The following CTNND2 variants were observed in gnomAD, a reference collection of about 807,000 sequenced individuals.
The protein encoded by CTNND2 is catenin delta-2.
In CTNND2, 22 loss-of-function variants were observed where a neutral mutation model predicts 144.4. The ratio of observed to expected loss-of-function variants is 0.15; its 90% CI spans 0.11 to 0.22. CTNND2 has a LOEUF of 0.22. Ranked by LOEUF, CTNND2 falls within the 10% of genes least tolerant of loss-of-function variation. CTNND2 has a pLI of 1.00. For synonymous variants in CTNND2, 751 were observed against 695.6 expected (o/e 1.08, Z -1.25); for missense variants, 1,353 against 1,618.8 (o/e 0.84, Z 2.82).
At chr5:11,610,514 T>A (rs1184306450) in intron 2 of CTNND2, among the ~76,000 whole-genome samples, 1 of 152,210 alleles carries the variant, frequency 6.6e-6, no homozygotes, top group Non-Finnish European at 1.5e-5. Flanking sequence ...TATGTTTTAA[T>A]GCCAGAAGGC....
At chr5:11,395,049 G>A (rs1161618789) in intron 6 of CTNND2, among the ~76,000 whole-genome samples, 1 of 152,178 alleles carries the variant, frequency 6.6e-6, no homozygotes, top group Non-Finnish European at 1.5e-5. Context: ...CGGCTTGAAG[G>A]AGTAAGATTT....
At chr5:11,350,859 ATTACT>A (rs1488071948) in intron 8 of CTNND2, among the ~76,000 whole-genome samples, 1 of 152,272 alleles carries the variant, frequency 6.6e-6, no homozygotes, top group Admixed American at 6.5e-5. Flanking sequence ...TGTGAAAACA[ATTACT>A]TTAAATGAAT....
At chr5:11,516,561 A>G (rs997780312) in intron 3 of CTNND2, among the ~76,000 whole-genome samples, 1 of 152,170 alleles carries the variant, frequency 6.6e-6, no homozygotes, top group African/African-American at 2.4e-5. Flanking sequence ...AGACAATCCA[A>G]AAATGAAATT....
chr5:11,210,763 G>A (rs1006284591), intron 10 of CTNND2, among the ~76,000 whole-genome samples: 11 of 152,140 alleles, frequency 7.2e-5, no homozygotes, highest in African/African-American at 2.7e-4. Flanking sequence ...CACAAATACT[G>A]CCCACAAAGC....
At chr5:11,419,357 T>G (rs1762187352) in intron 3 of CTNND2, among the ~76,000 whole-genome samples, 1 of 152,166 alleles carries the variant, frequency 6.6e-6, no homozygotes, top group African/African-American at 2.4e-5. Context: ...TAGATAAACC[T>G]TTGTGATTGC....
At chr5:11,730,162 A>G (rs1485767843) in intron 2 of CTNND2, among the ~76,000 whole-genome samples, 2 of 152,138 alleles carry the variant, frequency 1.3e-5, no homozygotes, top group African/African-American at 4.8e-5. Context: ...TAGTATTCAT[A>G]TTGTGAAACT....
intron 20 of CTNND2, among the ~76,000 whole-genome samples, chr5:10,987,837 TTCTC>T (rs907858551): frequency 1.3e-5 from 2 of 151,778 alleles, no homozygotes; most frequent in African/African-American, 4.8e-5. Context: ...TGTGGGAATA[TTCTC>T]TCTAATTTGA....
chr5:11,473,952 A>T (rs26142), intron 3 of CTNND2, among the ~76,000 whole-genome samples: 1 of 152,082 alleles, frequency 6.6e-6, no homozygotes, highest in Non-Finnish European at 1.5e-5. Flanking sequence ...CTTCCGCATC[A>T]TCTTGTGACC....
chr5:11,277,466 T>C (rs1331715611), intron 9 of CTNND2, among the ~76,000 whole-genome samples: 10 of 151,746 alleles, frequency 6.6e-5, no homozygotes, highest in Admixed American at 6.6e-4. Context: ...TTTTGAATAG[T>C]ATGGGCTGCT....
chr5:11,776,438 T>C (rs1790258052), intron 1 of CTNND2, among the ~76,000 whole-genome samples: 1 of 152,196 alleles, frequency 6.6e-6, no homozygotes, highest in African/African-American at 2.4e-5. Context: ...CTAGTGTTTG[T>C]GGAGGGTCAG....
chr5:11,509,808 T>C lies in CTNND2; in HGVS notation c.287+55136A>G, dbSNP rs576475036. ...GTACCAAACAGGTGCTACGGAGGAA[T>C]GTTTTCGGATTTCACACCTTTTCTA... is the stretch of plus-strand genomic sequence containing the variant. On this transcript the variant is annotated intron_variant, in intron 3 of 21. Transcript: ENST00000304623. Among the ~76,000 whole-genome samples, 182 of 152,322 alleles carry C rather than the reference T, an allele frequency of 1.2e-3. 1 individual carries two copies. The highest frequency in any genetic ancestry group is 4.3e-3 in the African/African-American group (178 of 41,586).
chr5:11,734,716 T>G (rs1581795174), intron 1 of CTNND2, among the ~76,000 whole-genome samples: 1 of 152,338 alleles, frequency 6.6e-6, no homozygotes, highest in East Asian at 1.9e-4. Flanking sequence ...CATTAAGAGA[T>G]GTGATTTCCA....
At chr5:11,292,655 T>A (rs1404219685) in intron 9 of CTNND2, among the ~76,000 whole-genome samples, 1 of 152,176 alleles carries the variant, frequency 6.6e-6, no homozygotes, top group Non-Finnish European at 1.5e-5. Flanking sequence ...ATTGTAAGTT[T>A]CCTGAAGCCT....
intron 2 of CTNND2, among the ~76,000 whole-genome samples, chr5:11,674,939 GC>G (rs1354017484): frequency 2.0e-5 from 3 of 152,080 alleles, no homozygotes; most frequent in African/African-American, 7.2e-5. Context: ...TGCTGGCCGG[GC>G]TGGTCTCAAA....
At chr5:11,480,748 G>A (rs1391914425) in intron 3 of CTNND2, among the ~76,000 whole-genome samples, 1 of 151,962 alleles carries the variant, frequency 6.6e-6, no homozygotes, top group Non-Finnish European at 1.5e-5. Flanking sequence ...GACCTAGGCA[G>A]GTAAGTTCAG....
chr5:11,653,128 T>C (rs929389259), intron 2 of CTNND2, among the ~76,000 whole-genome samples: 16 of 151,232 alleles, frequency 1.1e-4, no homozygotes, highest in South Asian at 4.2e-4. Context: ...CTACAATTTC[T>C]TTATCCATTC....
intron 1 of CTNND2, among the ~76,000 whole-genome samples, chr5:11,752,818 A>G (rs1229741604): frequency 6.6e-6 from 1 of 151,780 alleles, no homozygotes; most frequent in African/African-American, 2.4e-5. Context: ...TGAGCATGAA[A>G]TGTTCTTCCA....
At chr5:11,742,707 T>A (rs1788085356) in intron 1 of CTNND2, among the ~76,000 whole-genome samples, 3 of 152,186 alleles carry the variant, frequency 2.0e-5, no homozygotes, top group African/African-American at 4.8e-5. Flanking sequence ...CTACTGAATG[T>A]TTTAAAAATT....
intron 3 of CTNND2, among the ~76,000 whole-genome samples, chr5:11,548,184 G>A (rs547311596): frequency 3.3e-5 from 5 of 152,260 alleles, no homozygotes; most frequent in South Asian, 2.1e-4. Flanking sequence ...GGCAAACCAC[G>A]TAATACTTTA....
Sources: allele counts gnomAD v4.1 joint callset (sites outside exome capture counted in the v4.1 genomes callset), GRCh38; gene constraint gnomAD v4.1.1; transcripts MANE v1.5; gene names NCBI Gene and HGNC (gene_info 2026-07-23, HGNC 2026-07-21).